Variants in MEF2C observed in about 807,000 individuals in gnomAD.
MEF2C encodes myocyte enhancer factor 2C.
A neutral mutation model predicts 50.5 loss-of-function variants in MEF2C; 6 were observed. That is an observed-to-expected ratio of 0.12 (90% CI 0.07 to 0.23). MEF2C has a LOEUF of 0.23. Ranked by LOEUF, MEF2C falls within the 10% of genes least tolerant of loss-of-function variation. The pLI is 1.00. For missense variants in MEF2C, 276 were observed against 605.0 expected, an observed-to-expected ratio of 0.46 and a Z score of 5.70; for synonymous variants, 183 against 228.0, an observed-to-expected ratio of 0.80 and a Z score of 1.78.
chr5:88,723,262 C>A (rs1757035858), intron 10 of MEF2C, among the ~76,000 whole-genome samples: 1 of 152,162 alleles, frequency 6.6e-6, no homozygotes, highest in Non-Finnish European at 1.5e-5. Flanking sequence ...GGACTCTATC[C>A]CTAGACTAGT....
intron 1 of MEF2C, among the ~76,000 whole-genome samples, chr5:88,851,083 A>G (rs1821145573): frequency 2.0e-5 from 3 of 152,074 alleles, no homozygotes; most frequent in Non-Finnish European, 4.4e-5. Flanking sequence ...AAATAGAAAA[A>G]TTAGCTGGGC....
chr5:88,811,551 A>G (rs564462770), intron 2 of MEF2C, among the ~76,000 whole-genome samples: 1 of 152,298 alleles, frequency 6.6e-6, no homozygotes, highest in East Asian at 1.9e-4. Flanking sequence ...CTTTGAGTTA[A>G]GAGCAAATGG....
chr5:88,834,823 T>C (rs1037378155), intron 1 of MEF2C, among the ~76,000 whole-genome samples: 5 of 152,158 alleles, frequency 3.3e-5, no homozygotes, highest in African/African-American at 9.7e-5. Context: ...GTGGGAATAG[T>C]AACAACATAC....
chr5:88,757,747 C>T (rs1776012607), intron 4 of MEF2C, among the ~76,000 whole-genome samples: 1 of 152,074 alleles, frequency 6.6e-6, no homozygotes, highest in Non-Finnish European at 1.5e-5. Context: ...GAAACTCCAT[C>T]TCTACTAAAA....
chr5:88,896,835 T>A (rs1179861003), intron 1 of MEF2C, among the ~76,000 whole-genome samples: 1 of 152,152 alleles, frequency 6.6e-6, no homozygotes, highest in East Asian at 1.9e-4. Flanking sequence ...CCTTTCTTCC[T>A]TCCATCTGTC....
intron 3 of MEF2C, among the ~76,000 whole-genome samples, chr5:88,777,899 C>CTTTTTTTTTTTT (rs57841792): frequency 1.3e-5 from 1 of 77,320 alleles, no homozygotes; most frequent in Non-Finnish European, 2.3e-5. Flanking sequence ...TTTTTCTTTT[C>CTTTTTTTTTTTT]TTTTTTTTTT....
intron 2 of MEF2C, among the ~76,000 whole-genome samples, chr5:88,811,576 A>T (rs1802822468): frequency 1.3e-5 from 2 of 152,132 alleles, no homozygotes; most frequent in Non-Finnish European, 1.5e-5. Flanking sequence ...ATGGTTCACC[A>T]AGCATGCACC....
At chr5:88,734,598 T>TTTTTTTTTTTTGA in intron 6 of MEF2C, 1 of 883,922 alleles carries the variant, frequency 1.1e-6, no homozygotes, top group Non-Finnish European at 1.3e-6. Flanking sequence ...TTTTTTTTTT[T>TTTTTTTTTTTTGA]AGCATTTTCT....
intron 10 of MEF2C, among the ~76,000 whole-genome samples, chr5:88,727,348 C>T (rs554701668): frequency 1.1e-3 from 163 of 152,154 alleles, no homozygotes; most frequent in African/African-American, 3.6e-3. Flanking sequence ...CAGTGATTAG[C>T]GGGTAGGATG....
Position 88,867,032 on chromosome 5 carries a change from C to T in MEF2C, c.-143+15923G>A, listed in dbSNP as rs185131724. 4.6e-5 allele frequency among the ~76,000 whole-genome samples: 7 copies of T among 152,260 alleles called. No homozygotes were observed. In the East Asian group the frequency reaches 7.7e-4, roughly 17 times the overall value. ...AACGAGATTTTCCCATTTCAATTAA[C>T]GCTAATATCGTAGCTGGAAAAATAT... On this transcript the variant is annotated intron_variant, in intron 1 of 10. Coordinates refer to ENST00000504921, the MANE Select transcript of MEF2C (RefSeq NM_002397.5).
intron 4 of MEF2C, among the ~76,000 whole-genome samples, chr5:88,757,990 T>C (rs1314112813): frequency 6.6e-6 from 1 of 152,094 alleles, no homozygotes; most frequent in East Asian, 1.9e-4. Context: ...TCTACCCAGC[T>C]ACCACCTTAG....
At chr5:88,768,703 A>G in intron 3 of MEF2C, 5 of 985,202 alleles carry the variant, frequency 5.1e-6, no homozygotes, top group Non-Finnish European at 6.0e-6. Flanking sequence ...CAAATGTTAG[A>G]GGGAGGAAGA....
chr5:88,754,468 G>C (rs893229328), intron 4 of MEF2C, among the ~76,000 whole-genome samples: 4 of 152,134 alleles, frequency 2.6e-5, no homozygotes, highest in African/African-American at 7.2e-5. Flanking sequence ...TTACCCTTTA[G>C]AGTTTGCCAT....
At chr5:88,748,959 G>A (rs1771275309) in intron 6 of MEF2C, 111 bp downstream of exon 6, 8 of 1,529,438 alleles carry the variant, frequency 5.2e-6, no homozygotes, top group Non-Finnish European at 7.1e-6. Flanking sequence ...ATTTTTCCAT[G>A]CCTCTCACAG....
chr5:88,861,528 C>T (rs1825509116), intron 1 of MEF2C, among the ~76,000 whole-genome samples: 1 of 152,174 alleles, frequency 6.6e-6, no homozygotes, highest in Non-Finnish European at 1.5e-5. Flanking sequence ...AGTTTCTCAG[C>T]TACTGCACGA....
intron 1 of MEF2C, among the ~76,000 whole-genome samples, chr5:88,841,352 TA>T (rs1817270790): frequency 6.6e-6 from 1 of 151,680 alleles, no homozygotes; most frequent in Non-Finnish European, 1.5e-5. Flanking sequence ...ACAAAAAATT[TA>T]AAAATTAAGT....
chr5:88,857,504 G>T (rs2153411867), intron 1 of MEF2C, among the ~76,000 whole-genome samples: 2 of 152,208 alleles, frequency 1.3e-5, no homozygotes, highest in Admixed American at 1.3e-4. Context: ...ATTTGGGAGG[G>T]GCCAGGGGAG....
chr5:88,781,513 T>C (rs1295622175), intron 3 of MEF2C, among the ~76,000 whole-genome samples: 1 of 152,180 alleles, frequency 6.6e-6, no homozygotes, highest in African/African-American at 2.4e-5. Context: ...GAAACCAGGT[T>C]TGTCTGACGC....
At chr5:88,875,952 C>T (rs1830923152) in intron 1 of MEF2C, among the ~76,000 whole-genome samples, 1 of 151,714 alleles carries the variant, frequency 6.6e-6, no homozygotes, top group Non-Finnish European at 1.5e-5. Flanking sequence ...CAGAACTCTA[C>T]CTGAAAAACT....
Sources: allele counts gnomAD v4.1 joint callset (sites outside exome capture counted in the v4.1 genomes callset), GRCh38; gene constraint gnomAD v4.1.1; transcripts MANE v1.5; gene names NCBI Gene and HGNC (gene_info 2026-07-23, HGNC 2026-07-21).